The following PLPP1 variants were observed in gnomAD, a reference collection of about 807,000 sequenced individuals.
PLPP1 encodes the protein phospholipid phosphatase 1.
A neutral mutation model predicts 31.2 loss-of-function variants in PLPP1; 24 were observed. The ratio of observed to expected loss-of-function variants is 0.77; its 90% confidence interval spans 0.56 to 1.08. PLPP1 has a LOEUF of 1.08. Among genes scored for constraint, PLPP1 ranks in the 50% least tolerant of loss-of-function variants. The pLI is 0.00. For synonymous variants in PLPP1, 146 were observed against 126.3 expected, an observed-to-expected ratio of 1.16 and a Z score of -1.05; for missense variants, 319 against 342.7, an observed-to-expected ratio of 0.93 and a Z score of 0.55.
chr5:55,492,934 T>C (rs907707158), intron 1 of PLPP1, among the ~76,000 whole-genome samples: 3 of 152,148 alleles, frequency 2.0e-5, no homozygotes, highest in African/African-American at 7.2e-5. Context: ...TCTGGCTAGG[T>C]TAACAGGTTA....
intron 4 of PLPP1, among the ~76,000 whole-genome samples, chr5:55,429,817 A>G (rs566255924): frequency 6.6e-6 from 1 of 152,148 alleles, no homozygotes; most frequent in South Asian, 2.1e-4. Flanking sequence ...GTCAAGCCTG[A>G]TTACAGGCTA....
At chr5:55,463,573 T>C (rs577091047) in intron 3 of PLPP1, among the ~76,000 whole-genome samples, 2 of 151,848 alleles carry the variant, frequency 1.3e-5, no homozygotes, top group African/African-American at 2.4e-5. Context: ...AGGCATGAGG[T>C]TGCAGTGAGC....
In PLPP1 at chr5:55,534,806, G is replaced by C. The variant is rs1740828978; in HGVS notation, c.-177C>G. On this transcript the variant is annotated 5_prime_UTR_variant, in exon 1 of 6. Transcript: ENST00000307259. Reference sequence around the variant, plus strand: ...AGACCGGGCGGCGCTCCCACCGCCAGCAATGGCGCCCGGGGCCCTCCCCTC... The same window carrying C: ...AGACCGGGCGGCGCTCCCACCGCCACCAATGGCGCCCGGGGCCCTCCCCTC... 1.7e-6 allele frequency: 1 copy of C among 598,534 alleles called. No individual in the cohort carries two copies. The highest frequency in any genetic ancestry group is 3.9e-5 in the Admixed American group (1 of 25,796). The allele number at this position is 598,534 out of a possible 1,614,324, so 37.1% of individuals were successfully genotyped here.
intron 1 of PLPP1, among the ~76,000 whole-genome samples, chr5:55,505,793 A>T (rs1753260806): frequency 6.6e-6 from 1 of 152,232 alleles, no homozygotes; most frequent in South Asian, 2.1e-4. Context: ...GCAGTGGCTC[A>T]CGCCTGTAAT....
At chr5:55,526,048 GT>G (rs1740419261) in intron 1 of PLPP1, among the ~76,000 whole-genome samples, 2 of 151,986 alleles carry the variant, frequency 1.3e-5, no homozygotes, top group East Asian at 3.9e-4. Flanking sequence ...AAATCTGGGA[GT>G]TTAGTGACTT....
At chr5:55,478,471 T>A (rs537214524) in intron 1 of PLPP1, among the ~76,000 whole-genome samples, 2 of 152,284 alleles carry the variant, frequency 1.3e-5, no homozygotes, top group South Asian at 4.1e-4. Flanking sequence ...GAGTGTGATA[T>A]TCGATAAGCC....
chr5:55,467,804 G>A, intron 3 of PLPP1, 65 bp downstream of exon 3: 1 of 1,478,538 alleles, frequency 6.8e-7, no homozygotes, highest in South Asian at 1.4e-5. Context: ...TTATCTTCCA[G>A]TCACTGAAAC....
intron 4 of PLPP1, among the ~76,000 whole-genome samples, chr5:55,433,410 T>C (rs1751411542): frequency 1.2e-5 from 1 of 80,084 alleles, no homozygotes; most frequent in South Asian, 4.7e-4. Flanking sequence ...TATGATCTTA[T>C]ATGTAGAAAA....
At chr5:55,503,951 T>G in intron 1 of PLPP1, among the ~76,000 whole-genome samples, 4 of 141,586 alleles carry the variant, frequency 2.8e-5, no homozygotes, top group South Asian at 2.6e-4. Flanking sequence ...GGAGGGGTGG[T>G]TCTTAATTTC....
At chr5:55,429,688 A>G (rs1468979372) in intron 4 of PLPP1, among the ~76,000 whole-genome samples, 2 of 152,006 alleles carry the variant, frequency 1.3e-5, no homozygotes, top group East Asian at 3.9e-4. Context: ...GAGGCCCAAC[A>G]GCCCCTGCAT....
chr5:55,434,980 A>C (rs1162808035), intron 4 of PLPP1, among the ~76,000 whole-genome samples: 1 of 152,194 alleles, frequency 6.6e-6, no homozygotes, highest in Non-Finnish European at 1.5e-5. Context: ...AATGGGAGAA[A>C]ATATTTGCCA....
chr5:55,518,128 C>G (rs1014541441), intron 1 of PLPP1, among the ~76,000 whole-genome samples: 1 of 152,176 alleles, frequency 6.6e-6, no homozygotes, highest in African/African-American at 2.4e-5. Context: ...CCACCGCACC[C>G]AGCCCTAAGA....
At position 55,468,379 on chromosome 5, in the gene PLPP1, G is replaced by A. The variant is rs77520603; in HGVS notation, c.211-230C>T. 2,559 of 394,972 alleles carry A rather than the reference G, an allele frequency of 6.5e-3. 55 individuals are homozygous for A. Among genetic ancestry groups the A allele is most frequent in the African/African-American group, 0.047 (2,295 of 48,764 alleles). The allele number at this position is 394,972 out of a possible 1,614,324, so 24.5% of individuals were successfully genotyped here. A position where few individuals can be genotyped will look rare whatever the true frequency, so the allele number is the denominator to read the frequency against. On this transcript the variant is annotated intron_variant, in intron 2 of 5. Coordinates refer to ENST00000307259, the MANE Select transcript of PLPP1 (RefSeq NM_003711.4). The stretch of plus-strand genomic sequence containing the variant: ...ACATTACTTACAAAGCCATGGCTGG[G>A]ACAAAATTATATCATCACTTACCTA...
At chr5:55,436,238 T>C (rs1012693499) in intron 4 of PLPP1, among the ~76,000 whole-genome samples, 2 of 152,246 alleles carry the variant, frequency 1.3e-5, no homozygotes, top group South Asian at 4.1e-4. Context: ...TCCCAAATGA[T>C]ATGGCTTGGC....
chr5:55,533,222 A>G lies in PLPP1; in HGVS notation c.58+1350T>C, dbSNP rs530350536. On this transcript the variant is annotated intron_variant, in intron 1 of 5. Coordinates refer to ENST00000307259, the MANE Select transcript of PLPP1 (RefSeq NM_003711.4). The stretch of plus-strand genomic sequence containing the variant: ...AACATGGAGAAACCCTGTCTCTACT[A>G]AAAACAGAAAAATTAGCCAGGCATG... Among the ~76,000 whole-genome samples, 11 of 152,036 alleles carry G rather than the reference A, an allele frequency of 7.2e-5. No homozygotes were observed. The South Asian group carries it at 2.3e-3, about 32-fold the overall frequency.
Position 55,524,815 on chromosome 5 carries a change from C to A in PLPP1, c.58+9757G>T, listed in dbSNP as rs114959620. On this transcript the variant is annotated intron_variant, in intron 1 of 5. Coordinates refer to ENST00000307259, the MANE Select transcript of PLPP1 (RefSeq NM_003711.4). ...ACAAGAGTGAAACTACGTCCCCCCC[C>A]AAAAAAAAGTTTTAGGAATATTAAC... is the stretch of plus-strand genomic sequence containing the variant. Among the ~76,000 whole-genome samples the A allele has an allele frequency of 9.3e-3, 1,401 of 151,452 alleles. 20 individuals carry two copies. Among genetic ancestry groups the A allele is most frequent in the African/African-American group, 0.033 (1,348 of 41,310 alleles).
chr5:55,457,681 C>CA (rs1202218737), intron 3 of PLPP1, among the ~76,000 whole-genome samples: 1 of 152,030 alleles, frequency 6.6e-6, no homozygotes, highest in Non-Finnish European at 1.5e-5. Context: ...ACAAGGTCAG[C>CA]AGTTCGAGAC....
chr5:55,506,671 G>A (rs1753286480), intron 1 of PLPP1, among the ~76,000 whole-genome samples: 1 of 152,092 alleles, frequency 6.6e-6, no homozygotes, highest in Non-Finnish European at 1.5e-5. Context: ...AAACTAATAT[G>A]TAAGAAACAC....
At chr5:55,473,195 T>C (rs1046928618) in intron 2 of PLPP1, among the ~76,000 whole-genome samples, 2 of 152,232 alleles carry the variant, frequency 1.3e-5, no homozygotes, top group Non-Finnish European at 2.9e-5. Context: ...TTGGCTTTCT[T>C]CTAGCAGAAA....
Sources: allele counts gnomAD v4.1 joint callset (sites outside exome capture counted in the v4.1 genomes callset), GRCh38; gene constraint gnomAD v4.1.1; transcripts MANE v1.5; gene names NCBI Gene and HGNC (gene_info 2026-07-23, HGNC 2026-07-21).